Variants in GSE1 observed in about 807,000 individuals in gnomAD.
GSE1 encodes genetic suppressor element 1.
In GSE1, 32 loss-of-function variants were observed where a neutral mutation model predicts 112.6. The ratio of observed to expected loss-of-function variants is 0.28; its 90% CI spans 0.21 to 0.38. The LOEUF is 0.38. GSE1 is among the 10% of genes least tolerant of loss of function. The probability of loss-of-function intolerance (pLI) is 1.00; values close to 1 mark genes in which losing one functional copy is unlikely to be tolerated. For synonymous variants in GSE1, 1,115 were observed against 735.6 expected (o/e 1.52, Z -8.35); for missense variants, 2,348 against 1,699.2 (o/e 1.38, Z -6.71).
At chr16:85,468,348 A>C (rs1597846866) in intron 2 of GSE1, among the ~76,000 whole-genome samples, 1 of 116,550 alleles carries the variant, frequency 8.6e-6, no homozygotes. Flanking sequence ...GTGGGGTCTC[A>C]CTCTGTCACC....
intron 2 of GSE1, among the ~76,000 whole-genome samples, chr16:85,422,166 C>T (rs376655596): frequency 2.0e-5 from 3 of 152,194 alleles, no homozygotes; most frequent in South Asian, 4.1e-4. Flanking sequence ...TCGGCCCCCT[C>T]CTCCCCTGGT....
intron 1 of GSE1, among the ~76,000 whole-genome samples, chr16:85,309,676 G>A (rs1222384351): frequency 6.6e-6 from 1 of 152,186 alleles, no homozygotes; most frequent in Non-Finnish European, 1.5e-5. Context: ...CTCTGCAGAC[G>A]CCATTTGGGG....
intron 1 of GSE1, among the ~76,000 whole-genome samples, chr16:85,308,286 C>T (rs956650129): frequency 6.6e-6 from 1 of 151,992 alleles, no homozygotes; most frequent in Non-Finnish European, 1.5e-5. Flanking sequence ...CTACTCCCAC[C>T]ATTCTGTGGA....
chr16:85,308,367 C>T (rs1213392837), intron 1 of GSE1, among the ~76,000 whole-genome samples: 1 of 152,186 alleles, frequency 6.6e-6, no homozygotes, highest in Admixed American at 6.5e-5. Context: ...ACGCCTTTTA[C>T]TTCTTAAGGC....
intron 2 of GSE1, among the ~76,000 whole-genome samples, chr16:85,480,497 C>T (rs1168921611): frequency 6.6e-6 from 1 of 152,240 alleles, no homozygotes; most frequent in African/African-American, 2.4e-5. Flanking sequence ...CCTCGACACT[C>T]CTGTGACTGC....
intron 1 of GSE1, among the ~76,000 whole-genome samples, chr16:85,565,036 A>G (rs1200711157): frequency 6.6e-6 from 1 of 152,052 alleles, no homozygotes; most frequent in African/African-American, 2.4e-5. Flanking sequence ...CTTGAATGTC[A>G]TCAAGCCGGT....
At chr16:85,400,062 C>T (rs117877258) in intron 2 of GSE1, among the ~76,000 whole-genome samples, 10 of 152,346 alleles carry the variant, frequency 6.6e-5, no homozygotes, top group East Asian at 1.9e-4. Flanking sequence ...CCTTGTGTCA[C>T]GGCCACACGG....
intron 1 of GSE1, among the ~76,000 whole-genome samples, chr16:85,563,339 G>GA (rs1016833127): frequency 1.4e-4 from 21 of 151,740 alleles, no homozygotes; most frequent in Admixed American, 1.2e-3. Flanking sequence ...GGGGTAAAAG[G>GA]AAAAAAAATC....
At chr16:85,631,034 C>G (rs544573824) in intron 1 of GSE1, among the ~76,000 whole-genome samples, 1 of 152,136 alleles carries the variant, frequency 6.6e-6, no homozygotes, top group African/African-American at 2.4e-5. Context: ...TTGCGTTCCC[C>G]GGGGCCCTGC....
chr16:85,463,195 C>A, intron 2 of GSE1: 1 of 803,580 alleles, frequency 1.2e-6, no homozygotes, highest in Non-Finnish European at 1.5e-6. Flanking sequence ...CTGGGGCGCG[C>A]CACCCACCCG....
At chr16:85,295,981 A>C (rs2045355489) in intron 1 of GSE1, among the ~76,000 whole-genome samples, 2 of 152,130 alleles carry the variant, frequency 1.3e-5, no homozygotes, top group African/African-American at 4.8e-5. Flanking sequence ...GCTGCACTGC[A>C]ATCCAGCCTT....
chr16:85,331,359 G>GTATA (rs1192723319), intron 1 of GSE1, among the ~76,000 whole-genome samples: 1 of 54,480 alleles, frequency 1.8e-5, no homozygotes. Context: ...GTGTGTGTGT[G>GTATA]TGTGTGTATA....
rs527537044 is a variant in GSE1, at chr16:85,235,888, C to A, written c.2283+64081C>A. On this transcript the variant is annotated intron_variant, in intron 1 of 2. Transcript: ENST00000637419. ...ACATCTGGCAGCGGCGCCCGCGCCCCGCCCCCGCGCTGGCCGGGCGCTACC... is the reference window on the plus strand; with the variant it reads ...ACATCTGGCAGCGGCGCCCGCGCCCAGCCCCCGCGCTGGCCGGGCGCTACC... 8.5e-5 allele frequency among the ~76,000 whole-genome samples: 13 copies of A among 152,048 alleles called. No homozygotes were observed. In the South Asian group the frequency reaches 2.7e-3, roughly 31 times the overall value.
intron 1 of GSE1, among the ~76,000 whole-genome samples, chr16:85,617,095 G>A (rs1245822153): frequency 6.6e-6 from 1 of 152,224 alleles, no homozygotes; most frequent in South Asian, 2.1e-4. Flanking sequence ...CCTAGCATGG[G>A]CCATCCCGTC....
upstream of GSE1, chr16:85,555,612 T>G: frequency 1.2e-6 from 1 of 834,388 alleles, no homozygotes; most frequent in Non-Finnish European, 1.4e-6. Flanking sequence ...CCTCACCCAG[T>G]AGCTAAGGGG....
At position 85,394,242 on chromosome 16, in the gene GSE1, G is replaced by A. The variant is rs138190175; in HGVS notation, c.2464+36599G>A. Among the ~76,000 whole-genome samples the A allele has an allele frequency of 3.9e-4, 59 of 152,288 alleles. No homozygotes were observed. In the South Asian group the frequency reaches 4.6e-3, roughly 12 times the overall value. ...GGGCCGGGGAGCGAGGTCAAGGCCCGAGAAATTAAATGTTCATAAATGTAG... is the reference window on the plus strand; with the variant it reads ...GGGCCGGGGAGCGAGGTCAAGGCCCAAGAAATTAAATGTTCATAAATGTAG... On this transcript the variant is annotated intron_variant, in intron 2 of 2. Coordinates refer to the GSE1 transcript ENST00000637419.
At chr16:85,224,133 T>C (rs1270703303) in intron 1 of GSE1, among the ~76,000 whole-genome samples, 6 of 151,656 alleles carry the variant, frequency 4.0e-5, no homozygotes, top group Admixed American at 3.9e-4. Context: ...GAAGGAAGTG[T>C]TGTCCGGTTC....
At chr16:85,658,587 A>G (rs1424990600) in intron 8 of GSE1, among the ~76,000 whole-genome samples, 1 of 152,214 alleles carries the variant, frequency 6.6e-6, no homozygotes, top group Non-Finnish European at 1.5e-5. Flanking sequence ...CCCGCTGATC[A>G]GGGATGACTG....
At chr16:85,439,915 C>T (rs958523119) in intron 2 of GSE1, among the ~76,000 whole-genome samples, 3 of 152,238 alleles carry the variant, frequency 2.0e-5, no homozygotes, top group Admixed American at 6.5e-5. Flanking sequence ...CAGATACATA[C>T]ATGCATGCAC....
Sources: gnomAD v4.1 joint callset for allele counts (sites outside exome capture counted in the v4.1 genomes callset) on GRCh38, gnomAD v4.1.1 for gene constraint, MANE v1.5 for transcripts, NCBI Gene and HGNC (gene_info 2026-07-23, HGNC 2026-07-21) for gene names.